The following LSG1 variants were observed in gnomAD, a reference collection of about 807,000 sequenced individuals.
LSG1 encodes large 60S subunit nuclear export GTPase 1.
Under a neutral mutation model 82.6 loss-of-function variants are expected in LSG1, and 55 were observed. That is an observed-to-expected ratio of 0.67 (90% CI 0.54 to 0.83). LSG1 has a LOEUF of 0.83. Ranked by LOEUF, LSG1 falls within the 40% of genes least tolerant of loss-of-function variation. LSG1 has a pLI of 0.00. For synonymous variants in LSG1, 272 were observed against 282.5 expected, an observed-to-expected ratio of 0.96 and a Z score of 0.37; for missense variants, 809 against 807.9, an observed-to-expected ratio of 1.00 and a Z score of -0.02.
At chr3:194,648,232 A>G (rs193285846) in intron 11 of LSG1, among the ~76,000 whole-genome samples, 4 of 152,264 alleles carry the variant, frequency 2.6e-5, no homozygotes, top group African/African-American at 9.6e-5. Context: ...AAATAAGTTT[A>G]CAGGGGCTGA....
Position 194,652,870 on chromosome 3 carries a change from A to G in LSG1, c.1032T>C (p.Ser344=). ...QDWKESSTAD[S]EARSRKTPQK... The stretch of plus-strand genomic sequence containing the variant: ...GTGGGGTTTTCCTGCTCCGAGCCTC[A>G]GAATCTGCAGTAGAGCTTTCCTTCC... Residue 344 remains serine, a synonymous_variant, in exon 8 of 14, where the codon TCT becomes TCC. Coordinates refer to ENST00000265245, the MANE Select transcript of LSG1 (RefSeq NM_018385.3). The G allele has an allele frequency of 6.2e-7, 1 of 1,614,144 alleles. No homozygotes were observed. Among genetic ancestry groups the G allele is most frequent in the Non-Finnish European group, 8.5e-7 (1 of 1,180,040 alleles).
chr3:194,664,274 T>C (rs1718989486), intron 5 of LSG1, among the ~76,000 whole-genome samples: 1 of 152,178 alleles, frequency 6.6e-6, no homozygotes, highest in East Asian at 1.9e-4. Context: ...ATAACAATGC[T>C]AAATGTGATA....
In LSG1 at chr3:194,653,156, A is replaced by G; in HGVS notation, c.760-14T>C. ...GTTTGCCTCTTCCTGACAAAATAATAGAAACGCTCAGAAGTATATAACTGC... is the reference window on the plus strand; with the variant it reads ...GTTTGCCTCTTCCTGACAAAATAATGGAAACGCTCAGAAGTATATAACTGC... On this transcript the variant is annotated splice_polypyrimidine_tract_variant and intron_variant, in intron 7 of 13. Transcript: ENST00000265245. 3 of 1,606,624 alleles carry G rather than the reference A, an allele frequency of 1.9e-6. No homozygotes were observed. Among genetic ancestry groups the G allele is most frequent in the Non-Finnish European group, 2.6e-6 (3 of 1,175,732 alleles).
rs372071476 is a variant in LSG1, at chr3:194,645,170, A to C, written c.1624-424T>G. ...GGGTTGCAGTTGCTCACTGGGTGCA[A>C]GTCTGCCTCTTTCCATCATAAATGA... is the stretch of plus-strand genomic sequence containing the variant. On this transcript the variant is annotated intron_variant, in intron 12 of 13. Transcript: ENST00000265245. 2.6e-5 allele frequency: 4 copies of C among 154,070 alleles called. No homozygotes were observed. In the South Asian group the frequency reaches 6.2e-4, roughly 24 times the overall value. 9.5% of individuals were successfully genotyped at this position (154,070 alleles called of 1,614,324 possible). A position where few individuals can be genotyped will look rare whatever the true frequency, so the allele number is the denominator to read the frequency against.
At chr3:194,653,464 G>A (rs1328944780) in intron 7 of LSG1, among the ~76,000 whole-genome samples, 3 of 151,206 alleles carry the variant, frequency 2.0e-5, no homozygotes, top group Admixed American at 1.3e-4. Context: ...GCAGTGAGCC[G>A]AGATGGTGCC....
At chr3:194,653,997 A>G (rs546268128) in intron 7 of LSG1, among the ~76,000 whole-genome samples, 1 of 152,380 alleles carries the variant, frequency 6.6e-6, no homozygotes, top group South Asian at 2.1e-4. Context: ...GCATGATAAA[A>G]CAAAGCATTT....
In LSG1 at chr3:194,645,535, G is replaced by GACACACACACACACACAGACAC. The variant is rs1718514130; in HGVS notation, c.1623+628_1623+629insGTGTCTGTGTGTGTGTGTGTGT. On this transcript the variant is annotated intron_variant, in intron 12 of 13. Transcript: ENST00000265245. The stretch of plus-strand genomic sequence containing the variant: ...ACACACACACACACACACACAGACA[G>GACACACACACACACACAGACAC]ACACACACACACACACACACACACA... 2.3e-4 allele frequency: 8 copies of GACACACACACACACACAGACAC among 34,996 alleles called. 1 individual carries two copies. Among genetic ancestry groups the GACACACACACACACACAGACAC allele is most frequent in the Admixed American group, 6.4e-4 (2 of 3,112 alleles). 2.2% of individuals were successfully genotyped at this position (34,996 alleles called of 1,614,324 possible). A position where few individuals can be genotyped will look rare whatever the true frequency, so the allele number is the denominator to read the frequency against.
chr3:194,667,260 A>C (rs1719048620), intron 2 of LSG1, among the ~76,000 whole-genome samples: 1 of 152,124 alleles, frequency 6.6e-6, no homozygotes, highest in Admixed American at 6.5e-5. Context: ...CATGTTGGCC[A>C]GGCTGGTCTC....
intron 11 of LSG1, among the ~76,000 whole-genome samples, chr3:194,646,623 C>G (rs895551835): frequency 2.6e-5 from 4 of 152,216 alleles, no homozygotes; most frequent in Non-Finnish European, 5.9e-5. Context: ...CAGGTTCAAG[C>G]AATTCTGATG....
At chr3:194,659,160 G>T (rs770008230) in intron 6 of LSG1, 27 bp from the exon 7 acceptor site, 4 of 1,557,852 alleles carry the variant, frequency 2.6e-6, no homozygotes, top group African/African-American at 1.4e-5. Context: ...GATTTAGAAA[G>T]ACCTCTTCAA....
At chr3:194,644,034 T>TG (rs1000075898) in intron 13 of LSG1, among the ~76,000 whole-genome samples, 2 of 151,726 alleles carry the variant, frequency 1.3e-5, no homozygotes, top group African/African-American at 2.4e-5. Flanking sequence ...TGGCAGGGGC[T>TG]GGGGGAAAAA....
chr3:194,646,222 G>A lies in LSG1; in HGVS notation c.1565C>T (p.Ala522Val), dbSNP rs148904734. 1.5e-4 allele frequency: 243 copies of A among 1,613,940 alleles called. No individual in the cohort carries two copies. The highest frequency in any genetic ancestry group is 5.0e-4 in the Middle Eastern group (3 of 6,060). Residue 522 changes from alanine (A) to valine (V), a missense_variant, in exon 12 of 14, where the codon GCG becomes GTG. Coordinates refer to ENST00000265245, the MANE Select transcript of LSG1 (RefSeq NM_018385.3). ...AYGYMRGFMT[A>V]HGQPDQPRSA... is the part of the protein sequence containing the mutation. ...TCGAGGCTGGTCTGGCTGTCCATGC[G>A]CTGTCATGAATCCTCGCATGTCTGT...
intron 6 of LSG1, among the ~76,000 whole-genome samples, chr3:194,659,681 C>T (rs997921736): frequency 6.6e-6 from 1 of 152,194 alleles, no homozygotes; most frequent in African/African-American, 2.4e-5. Context: ...TAAAATACCA[C>T]AGGGAGTCAT....
chr3:194,659,990 T>C lies in LSG1; in HGVS notation c.582+83A>G, dbSNP rs562004412. 2.5e-6 allele frequency: 3 copies of C among 1,192,120 alleles called. No individual in the cohort carries two copies. The Admixed American group carries it at 5.1e-5, about 20-fold the overall frequency. The allele number at this position is 1,192,120 out of a possible 1,614,324, so 73.8% of individuals were successfully genotyped here. A position where few individuals can be genotyped will look rare whatever the true frequency, so the allele number is the denominator to read the frequency against. ...ACGAAGCCAGAGAGGGCAGAATGTA[T>C]GCCTACAGTCATTGCTGAGGGATGC... On this transcript the variant is annotated intron_variant, in intron 6 of 13. Transcript: ENST00000265245.
intron 2 of LSG1, among the ~76,000 whole-genome samples, chr3:194,667,034 T>C (rs1719043909): frequency 6.6e-6 from 1 of 151,820 alleles, no homozygotes; most frequent in African/African-American, 2.4e-5. Context: ...TGCTGGCTCA[T>C]AGGATATGAA....
rs74386120 is a variant in LSG1 at position 194,650,547 on chromosome 3, G to A, written c.1419+334C>T. 3.2e-3 allele frequency among the ~76,000 whole-genome samples: 486 copies of A among 152,308 alleles called. 2 individuals carry two copies. Among genetic ancestry groups the A allele is most frequent in the African/African-American group, 0.011 (466 of 41,556 alleles). ...ATTAAATATAATCAACCGTGAGATA[G>A]ATTTTCCCCCACTTAGAGAAAAGGA... On this transcript the variant is annotated intron_variant, in intron 10 of 13. Transcript: ENST00000265245.
At chr3:194,651,087 T>G in intron 9 of LSG1, 28 bp downstream of exon 9, 1 of 1,613,864 alleles carries the variant, frequency 6.2e-7, no homozygotes, top group East Asian at 2.2e-5. Context: ...AAGAGCTGCA[T>G]GCAAGTGGCA....
chr3:194,664,383 G>A (rs1235100930), intron 5 of LSG1, among the ~76,000 whole-genome samples: 1 of 152,090 alleles, frequency 6.6e-6, no homozygotes, highest in African/African-American at 2.4e-5. Flanking sequence ...CAGCCTGAAG[G>A]GTCCTTGTTG....
rs768415836 is a variant in LSG1, at chr3:194,644,598, A to G, written c.1772T>C (p.Ile591Thr). ...TTGATGGAAAAAAGTTTTGTCAACG[A>G]TATTTTCAATCTGCTTTGCTTTTTT... ...RNKKAKQIEN[I>T]VDKTFFHQEN... The change falls in exon 13 of 14, where the codon ATC (isoleucine) becomes ACC (threonine). Residue 591 changes from isoleucine to threonine, a missense_variant. By Grantham distance (89) the Ile-to-Thr change is moderately conservative (BLOSUM62 -1). Coordinates refer to ENST00000265245, the MANE Select transcript of LSG1 (RefSeq NM_018385.3). 81 of 1,611,438 alleles carry G rather than the reference A, an allele frequency of 5.0e-5. No homozygotes were observed. The highest frequency in any genetic ancestry group is 6.4e-5 in the Non-Finnish European group (76 of 1,179,340).
Sources: allele counts gnomAD v4.1 joint callset (sites outside exome capture counted in the v4.1 genomes callset), GRCh38; gene constraint gnomAD v4.1.1; transcripts MANE v1.5; gene names NCBI Gene and HGNC (gene_info 2026-07-23, HGNC 2026-07-21).